TTLL5: variants seen among roughly 807,000 people sequenced by gnomAD.
TTLL5 encodes the protein tubulin tyrosine ligase like 5.
A neutral mutation model predicts 168.4 loss-of-function variants in TTLL5; 132 were observed. That is an observed-to-expected ratio of 0.78 (90% CI 0.68 to 0.91). The LOEUF (loss-of-function observed/expected upper bound fraction) is 0.91. Among genes scored for constraint, TTLL5 ranks in the 40% least tolerant of loss-of-function variants. The probability of loss-of-function intolerance (pLI) is 0.00; values close to 1 mark genes in which losing one functional copy is unlikely to be tolerated. For synonymous variants in TTLL5, 546 were observed against 558.6 expected, an observed-to-expected ratio of 0.98 and a Z score of 0.32; for missense variants, 1,545 against 1,581.5, an observed-to-expected ratio of 0.98 and a Z score of 0.39.
Position 75,719,833 on chromosome 14 carries a change from A to T in TTLL5, c.934+7A>T, listed in dbSNP as rs761938502. The stretch of plus-strand genomic sequence containing the variant: ...GAAGGCAGAGATACAACCGGTGAGT[A>T]CTGGGCCTTTTTCCTTCTTGACTTC... On this transcript the variant is annotated splice_region_variant and intron_variant, in intron 11 of 31. Coordinates refer to ENST00000298832, the MANE Select transcript of TTLL5 (RefSeq NM_015072.5). The T allele has an allele frequency of 3.1e-6, 5 of 1,613,238 alleles. No individual in the cohort carries two copies. In the African/African-American group the frequency reaches 4.0e-5, roughly 13 times the overall value.
chr14:75,934,464 T>A (rs1253615625), intron 31 of TTLL5, among the ~76,000 whole-genome samples: 1 of 152,234 alleles, frequency 6.6e-6, no homozygotes, highest in Non-Finnish European at 1.5e-5. Context: ...GAACCTAAGA[T>A]TGTTATGATC....
chr14:75,664,084 CAAA>C (rs879651998), intron 2 of TTLL5, among the ~76,000 whole-genome samples: 3 of 94,502 alleles, frequency 3.2e-5, no homozygotes, highest in Non-Finnish European at 4.5e-5. Context: ...ACCTCCATCT[CAAA>C]AAAAAAAAAA....
chr14:75,814,544 A>G (rs1398501381), intron 27 of TTLL5: 1 of 152,096 alleles, frequency 6.6e-6, no homozygotes, highest in Admixed American at 6.5e-5. Flanking sequence ...ATACTGGGAG[A>G]TTTTCCCTGC....
chr14:75,776,709 A>G (rs1285664275), intron 22 of TTLL5, 38 bp from the exon 23 acceptor site: 1 of 1,511,322 alleles, frequency 6.6e-7, no homozygotes, highest in Non-Finnish European at 9.1e-7. Flanking sequence ...AGTCAGTTTT[A>G]TCTTGTTGTT....
chr14:75,940,678 T>G (rs1245274335), intron 31 of TTLL5, among the ~76,000 whole-genome samples: 2 of 152,224 alleles, frequency 1.3e-5, no homozygotes, highest in Non-Finnish European at 2.9e-5. Flanking sequence ...ATTAGGATAC[T>G]TACTATCTAA....
chr14:75,811,821 T>G (rs2140393339), intron 27 of TTLL5, among the ~76,000 whole-genome samples: 1 of 152,308 alleles, frequency 6.6e-6, no homozygotes, highest in Middle Eastern at 3.4e-3. Flanking sequence ...GTGGGTATCT[T>G]CTAAGAATCA....
chr14:75,797,555 A>G (rs539513364), intron 27 of TTLL5, among the ~76,000 whole-genome samples: 7 of 152,240 alleles, frequency 4.6e-5, no homozygotes, highest in African/African-American at 1.2e-4. Context: ...TGGGTTTGTC[A>G]TAGATGGCTT....
At chr14:75,732,276 G>C in intron 12 of TTLL5, 62 bp from the exon 13 acceptor site, 3 of 1,484,418 alleles carry the variant, frequency 2.0e-6, no homozygotes, top group South Asian at 2.4e-5. Context: ...GAGTCTTCTA[G>C]ATCTTTGTGT....
intron 12 of TTLL5, among the ~76,000 whole-genome samples, chr14:75,730,506 A>G (rs183488985): frequency 1.3e-5 from 2 of 152,328 alleles, no homozygotes; most frequent in East Asian, 3.9e-4. Context: ...ATCCCATATA[A>G]TTACTATGGA....
chr14:75,864,073 A>G (rs1031725526), intron 29 of TTLL5, among the ~76,000 whole-genome samples: 1 of 151,976 alleles, frequency 6.6e-6, no homozygotes, highest in African/African-American at 2.4e-5. Flanking sequence ...ATGCTTAACC[A>G]GTGTTTGACA....
At chr14:75,839,374 AT>A (rs1208857924) in intron 28 of TTLL5, among the ~76,000 whole-genome samples, 1 of 152,104 alleles carries the variant, frequency 6.6e-6, no homozygotes, top group African/African-American at 2.4e-5. Context: ...CTCAAAACTT[AT>A]TTTCTGTCTT....
intron 18 of TTLL5, among the ~76,000 whole-genome samples, chr14:75,758,780 A>G (rs117254880): frequency 0.013 from 1,926 of 152,332 alleles, 16 homozygotes; most frequent in South Asian, 0.026. Flanking sequence ...AAACATTTCT[A>G]AATAATCCAT....
In TTLL5 at chr14:75,882,750, T is replaced by G; in HGVS notation, c.3588T>G (p.Cys1196Trp). The G allele has an allele frequency of 6.2e-7, 1 of 1,614,060 alleles. No individual in the cohort carries two copies. Among genetic ancestry groups the G allele is most frequent in the Non-Finnish European group, 8.5e-7 (1 of 1,180,010 alleles). Reference protein sequence around the residue: ...NLWTMNNGAGCRISSATASGQ... With the variant: ...NLWTMNNGAGWRISSATASGQ... ...GGACAATGAATAATGGTGCAGGTTGTAGAATTTCCAGTGCCACAGCTAGTG... is the reference window on the plus strand; with the variant it reads ...GGACAATGAATAATGGTGCAGGTTGGAGAATTTCCAGTGCCACAGCTAGTG... The change falls in exon 30 of 32, where the codon TGT (cysteine) becomes TGG (tryptophan). Residue 1196 changes from cysteine to tryptophan, a missense_variant. Transcript: ENST00000298832.
intron 23 of TTLL5, among the ~76,000 whole-genome samples, chr14:75,778,770 A>G (rs1566600395): frequency 6.6e-6 from 1 of 152,266 alleles, no homozygotes; most frequent in East Asian, 1.9e-4. Context: ...TATGTTCAAT[A>G]GAAGAATCCA....
chr14:75,920,653 T>C (rs2033794073), intron 31 of TTLL5, among the ~76,000 whole-genome samples: 1 of 152,256 alleles, frequency 6.6e-6, no homozygotes, highest in Non-Finnish European at 1.5e-5. Flanking sequence ...CTGTCACTGA[T>C]GGACATTTGG....
chr14:75,842,037 G>T (rs980725328), intron 28 of TTLL5, among the ~76,000 whole-genome samples: 1 of 152,148 alleles, frequency 6.6e-6, no homozygotes, highest in African/African-American at 2.4e-5. Context: ...GAAGCACTAA[G>T]CCGTATCCTG....
chr14:75,934,919 G>A (rs1224448998), intron 31 of TTLL5, among the ~76,000 whole-genome samples: 1 of 152,198 alleles, frequency 6.6e-6, no homozygotes, highest in African/African-American at 2.4e-5. Flanking sequence ...CCGGTGAAGA[G>A]TAAGAAAACA....
chr14:75,809,578 T>C (rs531037543), intron 27 of TTLL5, among the ~76,000 whole-genome samples: 2 of 152,358 alleles, frequency 1.3e-5, no homozygotes, highest in Admixed American at 1.3e-4. Context: ...GTTGGGAACA[T>C]TAACAAGTCT....
At chr14:75,670,250 A>G (rs1044436473) in intron 3 of TTLL5, among the ~76,000 whole-genome samples, 1 of 150,542 alleles carries the variant, frequency 6.6e-6, no homozygotes, top group East Asian at 1.9e-4. Flanking sequence ...TATTTTTTAG[A>G]TACAGGATCT....
Sources: gnomAD v4.1 joint callset for allele counts (sites outside exome capture counted in the v4.1 genomes callset) on GRCh38, gnomAD v4.1.1 for gene constraint, MANE v1.5 for transcripts, NCBI Gene and HGNC (gene_info 2026-07-23, HGNC 2026-07-21) for gene names.